Variants in ARHGEF25 observed in about 807,000 individuals in gnomAD.
ARHGEF25 encodes the protein RAC/CDC42 exchange factor.
ARHGEF25 carries 42 observed loss-of-function variants against 74.0 expected under a neutral mutation model. That is an observed-to-expected ratio of 0.57 (90% CI 0.44 to 0.73). The LOEUF (loss-of-function observed/expected upper bound fraction) is 0.73, where lower values mean the gene tolerates loss of function less well. ARHGEF25 is among the 30% of genes least tolerant of loss of function. The pLI is 0.00. For synonymous variants in ARHGEF25, 293 were observed against 278.6 expected (o/e 1.05, Z -0.51); for missense variants, 645 against 725.5 (o/e 0.89, Z 1.27).
chr12:57,612,607 G>A, intron 1 of ARHGEF25: 1 of 778,304 alleles, frequency 1.3e-6, no homozygotes, highest in East Asian at 4.6e-5. Context: ...TAGGAGAGCA[G>A]ATGGCCACCC....
At chr12:57,610,514 G>T, upstream of ARHGEF25, 1 of 1,435,148 alleles carries the variant, frequency 7.0e-7, no homozygotes, top group South Asian at 1.3e-5. Flanking sequence ...AAGGGGAAGG[G>T]GGAGGTCAGG....
upstream of ARHGEF25, chr12:57,610,752 T>A: frequency 7.5e-7 from 1 of 1,324,528 alleles, no homozygotes; most frequent in Non-Finnish European, 1.0e-6. Context: ...TCAAAAATAT[T>A]CTATTCTTAT....
chr12:57,611,386 C>T, upstream of ARHGEF25: 1 of 968,288 alleles, frequency 1.0e-6, no homozygotes, highest in Non-Finnish European at 1.2e-6. The surrounding 1 kb of genome is among the most constrained non-coding windows in gnomAD (Gnocchi z 4.5). Context: ...GAGGGCGGAG[C>T]TGGGCCGCAG....
Position 57,613,227 on chromosome 12 carries a change from T to A in ARHGEF25, c.313-37T>A, listed in dbSNP as rs778346875. ...GGGCAAGTTGGGGCCACCCAGCTACTGTCCCCGACCTCTGACACTTGATTT... is the reference window on the plus strand; with the variant it reads ...GGGCAAGTTGGGGCCACCCAGCTACAGTCCCCGACCTCTGACACTTGATTT... On this transcript the variant is annotated intron_variant, in intron 2 of 14. Transcript: ENST00000286494. The A allele has an allele frequency of 4.3e-6, 7 of 1,612,218 alleles. No individual in the cohort carries two copies. The East Asian group carries it at 1.3e-4, about 31-fold the overall frequency.
chr12:57,616,080 A>T (rs1391338637), intron 13 of ARHGEF25, 63 bp downstream of exon 13: 2 of 1,563,002 alleles, frequency 1.3e-6, no homozygotes, highest in South Asian at 1.2e-5. Flanking sequence ...TGAATCCCTC[A>T]CTGCCCAGTC....
chr12:57,613,582 T>C (rs1291677187), intron 4 of ARHGEF25, 66 bp downstream of exon 4: 5 of 1,612,120 alleles, frequency 3.1e-6, no homozygotes, highest in African/African-American at 1.3e-5. Context: ...ACATTTTAGA[T>C]GGAATTTCCT....
At chr12:57,612,653 C>A (rs1041988001) in intron 1 of ARHGEF25, 3 of 1,225,656 alleles carry the variant, frequency 2.4e-6, no homozygotes, top group Non-Finnish European at 3.1e-6. Context: ...GCTGCCCCCA[C>A]CCCCATATCT....
At chr12:57,610,130 C>T, upstream of ARHGEF25, 3 of 688,596 alleles carry the variant, frequency 4.4e-6, no homozygotes, top group South Asian at 1.9e-5. Context: ...TCCGCAGCAG[C>T]AACTCCCCGG....
At chr12:57,610,694 TGG>T, upstream of ARHGEF25, 1 of 1,603,584 alleles carries the variant, frequency 6.2e-7, no homozygotes, top group Non-Finnish European at 8.5e-7. Context: ...GGTAAGAAGC[TGG>T]GGGTGGGGTG....
At position 57,617,023 on chromosome 12, in the gene ARHGEF25, G is replaced by C; in HGVS notation, c.*129G>C. On this transcript the variant is annotated 3_prime_UTR_variant, in exon 15 of 15. Coordinates refer to ENST00000286494, the MANE Select transcript of ARHGEF25 (RefSeq NM_182947.4). ...TCTGGAGGGTGGGCAAGGCTGGGAG[G>C]GATATCAACTTGGAGGAGAACACCT... The C allele has an allele frequency of 1.4e-6, 1 of 696,556 alleles. No individual in the cohort carries two copies. Among genetic ancestry groups the C allele is most frequent in the Non-Finnish European group, 2.4e-6 (1 of 415,302 alleles). The allele number at this position is 696,556 out of a possible 1,614,324, so 43.1% of individuals were successfully genotyped here. A position where few individuals can be genotyped will look rare whatever the true frequency, so the allele number is the denominator to read the frequency against.
At chr12:57,615,746 G>A (rs1358454654) in intron 12 of ARHGEF25, 34 bp downstream of exon 12, 2 of 1,613,962 alleles carry the variant, frequency 1.2e-6, no homozygotes, top group East Asian at 4.5e-5. Context: ...GGCTTGGAGA[G>A]AGAGAGGGCA....
intron 1 of ARHGEF25, 35 bp downstream of exon 1, chr12:57,612,026 G>C (rs368980310): frequency 1.9e-5 from 24 of 1,280,856 alleles, no homozygotes; most frequent in Non-Finnish European, 2.3e-5. Context: ...AGTGTTGAGT[G>C]GGGGGCGGGC....
chr12:57,614,618 G>A lies in ARHGEF25; in HGVS notation c.816+13G>A. ...CAGCTACTTTGAGGTCAGTAGCTGAGATGTCTTGGTGGGAAGGAGGACAGA... is the reference window on the plus strand; with the variant it reads ...CAGCTACTTTGAGGTCAGTAGCTGAAATGTCTTGGTGGGAAGGAGGACAGA... On this transcript the variant is annotated intron_variant, in intron 8 of 14. Transcript: ENST00000286494. This position sits in a 1 kb window ranked among gnomAD's most constrained non-coding sequence, Gnocchi z 4.6. The A allele has an allele frequency of 6.2e-7, 1 of 1,614,108 alleles. No homozygotes were observed. The highest frequency in any genetic ancestry group is 8.5e-7 in the Non-Finnish European group (1 of 1,180,000).
Position 57,614,574 on chromosome 12 carries a change from T to A in ARHGEF25, c.785T>A (p.Val262Glu). 3 of 1,613,900 alleles carry A rather than the reference T, an allele frequency of 1.9e-6. No homozygotes were observed. The highest frequency in any genetic ancestry group is 2.5e-6 in the Non-Finnish European group (3 of 1,179,994). ...YCQNKPKSEH[V>E]VSEFGDSYFE... Reference sequence around the variant, plus strand: ...CAGAATAAGCCCAAGTCAGAGCATGTGGTGTCAGAGTTTGGGGACAGCTAC... The same window carrying A: ...CAGAATAAGCCCAAGTCAGAGCATGAGGTGTCAGAGTTTGGGGACAGCTAC... Residue 262 changes from valine to glutamate, a missense_variant, in exon 8 of 15, where the codon GTG becomes GAG. Physicochemically the swap from Val to Glu is moderately radical, Grantham distance 121 (BLOSUM62 -2). Transcript: ENST00000286494. This position sits in a 1 kb window ranked among gnomAD's most constrained non-coding sequence, Gnocchi z 4.6.
chr12:57,613,039 AGGCCCCCCAG>A lies in ARHGEF25; in HGVS notation c.213_222del (p.Pro72SerfsTer4). On this transcript the variant is annotated frameshift_variant, in exon 2 of 15. Coordinates refer to ENST00000286494, the MANE Select transcript of ARHGEF25 (RefSeq NM_182947.4). LOFTEE classifies it high-confidence loss of function. ...GCCTCAGCTCTGGCCCCTGTTCCCC[AGGCCCCCCAG>A]GGCCCGTCAGTGGCCTGAGGAGATG... is the stretch of plus-strand genomic sequence containing the variant. The A allele has an allele frequency of 4.3e-6, 7 of 1,614,118 alleles. No homozygotes were observed. Among genetic ancestry groups the A allele is most frequent in the Non-Finnish European group, 5.9e-6 (7 of 1,180,006 alleles).
chr12:57,616,537 G>A, intron 14 of ARHGEF25, 42 bp downstream of exon 14: 2 of 1,580,930 alleles, frequency 1.3e-6, no homozygotes, highest in African/African-American at 2.7e-5. Context: ...ATAAAAAGGG[G>A]AGAGCCTCTC....
intron 13 of ARHGEF25, 81 bp from the exon 14 acceptor site, chr12:57,616,203 C>T: frequency 6.7e-7 from 1 of 1,490,398 alleles, no homozygotes; most frequent in Non-Finnish European, 9.0e-7. Context: ...GGAGGGAGGG[C>T]AAAGTGGGAG....
upstream of ARHGEF25, chr12:57,610,256 C>A (rs759617253): frequency 1.3e-6 from 2 of 1,589,320 alleles, no homozygotes; most frequent in Non-Finnish European, 1.7e-6. Context: ...CCGCACTGAC[C>A]GGATACTGGG....
Position 57,612,945 on chromosome 12 carries a change from C to T in ARHGEF25, c.113C>T (p.Ala38Val), listed in dbSNP as rs200472423. ...ARGGRESYSI[A>V]GSEGSISASA... is the part of the protein sequence containing the mutation. Reference sequence around the variant, plus strand: ...CTCCCATTAGAATCCTATTCCATTGCGGGCAGTGAGGGGAGTATATCGGCT... The same window carrying T: ...CTCCCATTAGAATCCTATTCCATTGTGGGCAGTGAGGGGAGTATATCGGCT... Residue 38 changes from alanine to valine, a missense_variant, in exon 2 of 15, where the codon GCG becomes GTG. Ala to Val is a moderately conservative substitution (Grantham distance 64). Coordinates refer to ENST00000286494, the MANE Select transcript of ARHGEF25 (RefSeq NM_182947.4). 96 of 1,613,932 alleles carry T rather than the reference C, an allele frequency of 5.9e-5. 3 individuals carry two copies. The South Asian group carries it at 8.0e-4, about 13-fold the overall frequency.
Sources: allele counts gnomAD v4.1 joint callset, GRCh38; gene constraint gnomAD v4.1.1; non-coding constraint Gnocchi (gnomAD v3.1); transcripts MANE v1.5; gene names NCBI Gene and HGNC (gene_info 2026-07-23, HGNC 2026-07-21).